Variants in PCDHA1 observed in about 807,000 individuals in gnomAD.
PCDHA1 encodes protocadherin alpha 1.
A neutral mutation model predicts 61.3 loss-of-function variants in PCDHA1; 42 were observed. The ratio of observed to expected loss-of-function variants is 0.69; its 90% CI spans 0.54 to 0.89. The LOEUF is 0.89. Ranked by LOEUF, PCDHA1 falls within the 40% of genes least tolerant of loss-of-function variation. PCDHA1 has a pLI of 0.00. For missense variants in PCDHA1, 1,256 were observed against 1,235.3 expected, an observed-to-expected ratio of 1.02 and a Z score of -0.25; for synonymous variants, 610 against 553.8, an observed-to-expected ratio of 1.10 and a Z score of -1.43.
chr5:140,875,173 A>G (rs567403390), intron 1 of PCDHA1: 75 of 394,970 alleles, frequency 1.9e-4, no homozygotes, highest in Non-Finnish European at 2.9e-4. Context: ...AAGTCGAAAC[A>G]TTAGAATTAA....
intron 1 of PCDHA1, chr5:140,877,485 G>A (rs1554169791): frequency 6.2e-7 from 1 of 1,613,882 alleles, no homozygotes; most frequent in Admixed American, 1.7e-5. Flanking sequence ...CGCTGGTGGA[G>A]AACGGCCAGG....
chr5:140,877,917 TTTC>T, intron 1 of PCDHA1: 2 of 1,427,712 alleles, frequency 1.4e-6, no homozygotes, highest in East Asian at 5.0e-5. Flanking sequence ...TTCTCTCATT[TTTC>T]TTTATGATTC....
intron 1 of PCDHA1, chr5:140,849,712 C>G (rs782768269): frequency 6.3e-7 from 1 of 1,598,502 alleles, no homozygotes; most frequent in Non-Finnish European, 8.6e-7. Context: ...AATTACTACT[C>G]GTTGGTGCTG....
Position 140,788,077 on chromosome 5 carries a change from C to T in PCDHA1, c.1787C>T (p.Ala596Val). The T allele has an allele frequency of 6.2e-7, 1 of 1,614,008 alleles. No individual in the cohort carries two copies. The highest frequency in any genetic ancestry group is 1.3e-5 in the African/African-American group (1 of 75,056). ...GAGHVVAKVR[A>V]VDADSGYNAW... ...GGTCATGTGGTGGCGAAGGTGCGCG[C>T]AGTGGACGCCGACTCGGGCTACAAC... The change falls in exon 1 of 4, where the codon GCA (alanine) becomes GTA (valine). Residue 596 changes from alanine (A) to valine (V), a missense_variant. Physicochemically the swap from Ala to Val is moderately conservative, Grantham distance 64 (BLOSUM62 0). Transcript: ENST00000504120.
At chr5:140,895,250 T>G (rs2153449407) in intron 1 of PCDHA1, among the ~76,000 whole-genome samples, 1 of 152,318 alleles carries the variant, frequency 6.6e-6, no homozygotes, top group African/African-American at 2.4e-5. Flanking sequence ...TTTTCAAAGC[T>G]TTCTTTTTTT....
At position 140,809,304 on chromosome 5, in the gene PCDHA1, C is replaced by T. The variant is rs1554125129; in HGVS notation, c.2394+20620C>T. 6.8e-6 allele frequency: 11 copies of T among 1,614,122 alleles called. No homozygotes were observed. The East Asian group carries it at 2.0e-4, about 29-fold the overall frequency. On this transcript the variant is annotated intron_variant, in intron 1 of 3. Transcript: ENST00000504120. ...GTATACCTGATCATTGCCATCTGCG[C>T]GGTGTCCAGCCTTTTGGTGCTCACG... is the stretch of plus-strand genomic sequence containing the variant.
chr5:140,801,450 T>C (rs562041671), intron 1 of PCDHA1: 2 of 1,613,956 alleles, frequency 1.2e-6, no homozygotes, highest in East Asian at 4.5e-5. Flanking sequence ...TGGCATTTTG[T>C]TTGTGAATTC....
At chr5:140,873,141 C>A (rs1275722582) in intron 1 of PCDHA1, among the ~76,000 whole-genome samples, 3 of 152,064 alleles carry the variant, frequency 2.0e-5, no homozygotes, top group African/African-American at 7.2e-5. Flanking sequence ...TATGCTGAAG[C>A]CTATTCATAG....
Position 140,877,714 on chromosome 5 carries a change from T to G in PCDHA1, c.2394+89030T>G, listed in dbSNP as rs781999747. 3.1e-6 allele frequency: 5 copies of G among 1,613,836 alleles called. No homozygotes were observed. The highest frequency in any genetic ancestry group is 4.2e-6 in the Non-Finnish European group (5 of 1,179,978). ...GGTGTGCTCCAGCGCCGTGGGGAGTTGGTCTTACTCGCAGCAGAGGAGGCA... is the reference window on the plus strand; with the variant it reads ...GGTGTGCTCCAGCGCCGTGGGGAGTGGGTCTTACTCGCAGCAGAGGAGGCA... On this transcript the variant is annotated intron_variant, in intron 1 of 3. Coordinates refer to ENST00000504120, the MANE Select transcript of PCDHA1 (RefSeq NM_018900.4).
chr5:140,794,896 A>G, intron 1 of PCDHA1: 1 of 1,476,420 alleles, frequency 6.8e-7, no homozygotes, highest in Non-Finnish European at 9.1e-7. Context: ...GGACTTTAAC[A>G]GAGACTAGAA....
chr5:140,871,413 C>T (rs2053063966), intron 1 of PCDHA1: 5 of 1,613,884 alleles, frequency 3.1e-6, no homozygotes, highest in Admixed American at 1.7e-5. Context: ...ACCTCATGGC[C>T]TTCAGCCCCA....
intron 1 of PCDHA1, among the ~76,000 whole-genome samples, chr5:140,947,798 A>C (rs1164932467): frequency 7.3e-5 from 11 of 151,710 alleles, no homozygotes; most frequent in African/African-American, 1.9e-4. Context: ...CAGACTTTTA[A>C]TTTGCAGAGA....
chr5:140,836,715 C>T, intron 1 of PCDHA1: 1 of 1,612,974 alleles, frequency 6.2e-7, no homozygotes, highest in Non-Finnish European at 8.5e-7. Flanking sequence ...CAGCCTTCCT[C>T]AGGGTCCATC....
intron 1 of PCDHA1, among the ~76,000 whole-genome samples, chr5:140,919,229 C>T (rs1163633473): frequency 1.1e-4 from 17 of 152,144 alleles, no homozygotes; most frequent in African/African-American, 3.9e-4. Flanking sequence ...TTTCTAGTAA[C>T]ACTTTTTGTC....
intron 1 of PCDHA1, chr5:140,929,259 G>A (rs782558603): frequency 4.7e-5 from 76 of 1,612,754 alleles, no homozygotes; most frequent in Non-Finnish European, 6.2e-5. Context: ...GGGTAGGACT[G>A]AATTTGCCAA....
intron 1 of PCDHA1, 119 bp from the exon 2 acceptor site, chr5:140,978,830 C>T: frequency 6.5e-7 from 1 of 1,535,340 alleles, no homozygotes; most frequent in Non-Finnish European, 8.8e-7. Context: ...TGAAATGGCT[C>T]ATTCAATACT....
At chr5:140,869,037 C>G (rs547872988) in intron 1 of PCDHA1, 1 of 1,528,286 alleles carries the variant, frequency 6.5e-7, no homozygotes, top group African/African-American at 1.4e-5. Context: ...AGATTTTTAA[C>G]CTGAAACTGA....
intron 1 of PCDHA1, among the ~76,000 whole-genome samples, chr5:140,910,919 T>G (rs2075230231): frequency 6.6e-6 from 1 of 152,154 alleles, no homozygotes; most frequent in Admixed American, 6.5e-5. Flanking sequence ...TTTTTGCTTA[T>G]ATAAATAAGA....
chr5:140,826,656 C>T (rs1769003622), intron 1 of PCDHA1, among the ~76,000 whole-genome samples: 1 of 151,930 alleles, frequency 6.6e-6, no homozygotes, highest in East Asian at 1.9e-4. Context: ...AACATTTTTG[C>T]AAGTAAATTG....
Sources: allele counts gnomAD v4.1 joint callset (sites outside exome capture counted in the v4.1 genomes callset), GRCh38; gene constraint gnomAD v4.1.1; transcripts MANE v1.5; gene names NCBI Gene and HGNC (gene_info 2026-07-23, HGNC 2026-07-21).